Variants in PTGS2 observed in about 807,000 individuals in gnomAD.
The protein encoded by PTGS2 is prostaglandin-endoperoxide synthase 2, also known as prostaglandin G/H synthase 2.
In PTGS2, 14 loss-of-function variants were observed where a neutral mutation model predicts 63.8. The observed-to-expected ratio is 0.22, with a 90% confidence interval of 0.14 to 0.34. The LOEUF (loss-of-function observed/expected upper bound fraction) is 0.34. PTGS2 is among the 10% of genes least tolerant of loss of function. The pLI is 1.00. For synonymous variants in PTGS2, 271 were observed against 259.5 expected, an observed-to-expected ratio of 1.04 and a Z score of -0.43; for missense variants, 533 against 738.5, an observed-to-expected ratio of 0.72 and a Z score of 3.23.
intron 9 of PTGS2, 77 bp downstream of exon 9, chr1:186,675,172 A>G: frequency 6.4e-7 from 1 of 1,571,438 alleles, no homozygotes; most frequent in Non-Finnish European, 8.7e-7. Flanking sequence ...GGGCGGCTCC[A>G]TCTCGAAAAG....
chr1:186,676,795 C>T (rs2066826), intron 6 of PTGS2, 38 bp downstream of exon 6: 218,190 of 1,599,858 alleles, frequency 0.14, 17,101 homozygotes, highest in African/African-American at 0.33. Flanking sequence ...TGGGTATAAG[C>T]GGTAATAACT....
chr1:186,675,451 G>A (rs1468718684), intron 8 of PTGS2, 55 bp from the exon 9 acceptor site: 1 of 1,582,920 alleles, frequency 6.3e-7, no homozygotes, highest in Non-Finnish European at 8.6e-7. Flanking sequence ...TTTACTGTTT[G>A]TATTCAGCTT....
In PTGS2 at chr1:186,674,485, A is replaced by G. The variant is rs936653300; in HGVS notation, c.1683T>C (p.Cys561=). 1 of 1,614,216 alleles carries G rather than the reference A, an allele frequency of 6.2e-7. No homozygotes were observed. The highest frequency in any genetic ancestry group is 1.1e-5 in the South Asian group (1 of 91,086). The change falls in exon 10 of 10, where the codon TGT becomes TGC. Residue 561 remains cysteine, a synonymous_variant. Transcript: ENST00000367468. ...QSLICNNVKG[C]PFTSFSVPDP... ...CTGGAACACTGAATGAAGTAAAGGGACAGCCCTTCACGTTATTGCAGATGA... is the reference window on the plus strand; with the variant it reads ...CTGGAACACTGAATGAAGTAAAGGGGCAGCCCTTCACGTTATTGCAGATGA...
At position 186,672,454 on chromosome 1, in the gene PTGS2, G is replaced by T. The variant is rs1665705018; in HGVS notation, c.*1899C>A. ...CAAATCTTAATACAATCATTTCTTT[G>T]GATTGTTTACATAATATTCAGAGAG... On this transcript the variant is annotated 3_prime_UTR_variant, in exon 10 of 10. Coordinates refer to ENST00000367468, the MANE Select transcript of PTGS2 (RefSeq NM_000963.4). 6.6e-6 allele frequency: 1 copy of T among 152,080 alleles called. No homozygotes were observed. The highest frequency in any genetic ancestry group is 1.5e-5 in the Non-Finnish European group (1 of 67,900). The allele number at this position is 152,080 out of a possible 1,614,324, so 9.4% of individuals were successfully genotyped here. A position where few individuals can be genotyped will look rare whatever the true frequency, so the allele number is the denominator to read the frequency against.
rs200911813 is a variant in PTGS2 at position 186,678,307 on chromosome 1, G to A, written c.411C>T (p.Ala137=). ...AFSNLSYYTR[A]LPPVPDDCPT... Reference sequence around the variant, plus strand: ...GGCAATCATCAGGCACAGGAGGAAGGGCTCTAGTATAATAGGAGAGGTTAG... The same window carrying A: ...GGCAATCATCAGGCACAGGAGGAAGAGCTCTAGTATAATAGGAGAGGTTAG... The change falls in exon 4 of 10, where the codon GCC becomes GCT. Residue 137 remains alanine, a synonymous_variant. Transcript: ENST00000367468. The A allele has an allele frequency of 1.2e-6, 2 of 1,612,896 alleles. No individual in the cohort carries two copies. Among genetic ancestry groups the A allele is most frequent in the South Asian group, 1.1e-5 (1 of 90,894 alleles).
chr1:186,679,638 G>A (rs1665841608), intron 1 of PTGS2, among the ~76,000 whole-genome samples, 200 bp from the exon 2 acceptor site: 1 of 152,156 alleles, frequency 6.6e-6, no homozygotes, highest in Admixed American at 6.5e-5. Context: ...AAGGATAACA[G>A]CATATTCAAC....
rs202020013 is a variant in PTGS2 at position 186,675,369 on chromosome 1, C to T, written c.1285G>A (p.Ala429Thr). 4 of 1,612,306 alleles carry T rather than the reference C, an allele frequency of 2.5e-6. No individual in the cohort carries two copies. The highest frequency in any genetic ancestry group is 2.5e-6 in the Non-Finnish European group (3 of 1,179,688). The change falls in exon 9 of 10, where the codon GCA becomes ACA. Residue 429 changes from alanine to threonine, a missense_variant. Around this residue, in one of 5 missense-constraint regions of PTGS2, gnomAD observed 219 missense variants for 267.4 expected, o/e 0.82. Coordinates refer to ENST00000367468, the MANE Select transcript of PTGS2 (RefSeq NM_000963.4). ...RVAGGRNVPP[A>T]VQKVSQASID... ...GAAGCCTGTGATACTTTCTGTACTG[C>T]GGGTGGAACATTCCTACCACCAGCA...
Position 186,676,642 on chromosome 1 carries a change from G to A in PTGS2, c.795C>T (p.Val265=), listed in dbSNP as rs113771132. The part of the protein sequence containing the change: ...TQAEMIYPPQ[V]PEHLRFAVGQ... ...CCACAGCAAACCGTAGATGCTCAGG[G>A]ACTTGAGGAGGGTAGATCATCTCTG... The change falls in exon 7 of 10, where the codon GTC becomes GTT. Residue 265 remains valine, a synonymous_variant. Coordinates refer to ENST00000367468, the MANE Select transcript of PTGS2 (RefSeq NM_000963.4). The A allele has an allele frequency of 3.1e-6, 5 of 1,613,960 alleles. No individual in the cohort carries two copies. The African/African-American group carries it at 6.7e-5, about 22-fold the overall frequency.
At chr1:186,675,045 C>T (rs1665755973) in intron 9 of PTGS2, among the ~76,000 whole-genome samples, 1 of 152,120 alleles carries the variant, frequency 6.6e-6, no homozygotes, top group Non-Finnish European at 1.5e-5. Flanking sequence ...ATGCGTGCGA[C>T]GTGAGCCTGT....
At chr1:186,680,179 C>A (rs1472417671) in intron 1 of PTGS2, 60 bp downstream of exon 1, 37 of 1,549,364 alleles carry the variant, frequency 2.4e-5, no homozygotes, top group Non-Finnish European at 2.3e-5. Flanking sequence ...GAGGTCAGAG[C>A]GGAAACTCTG....
chr1:186,677,013 T>C, intron 5 of PTGS2, 97 bp from the exon 6 acceptor site: 1 of 905,232 alleles, frequency 1.1e-6, no homozygotes, highest in Admixed American at 2.5e-5. Context: ...TTTGATCATT[T>C]AGCTTTCTTT....
chr1:186,678,490 T>C, intron 3 of PTGS2, 86 bp from the exon 4 acceptor site: 1 of 1,298,854 alleles, frequency 7.7e-7, no homozygotes, highest in African/African-American at 1.5e-5. Context: ...ATGTGGAAAG[T>C]GGCACCTGAG....
chr1:186,674,293 T>A lies in PTGS2; in HGVS notation c.*60A>T. On this transcript the variant is annotated 3_prime_UTR_variant, in exon 10 of 10. Coordinates refer to ENST00000367468, the MANE Select transcript of PTGS2 (RefSeq NM_000963.4). Reference sequence around the variant, plus strand: ...CATAAGGAGTTTAATATAAATATTATTAAATAATTAAATTAATAGACATGG... The same window carrying A: ...CATAAGGAGTTTAATATAAATATTAATAAATAATTAAATTAATAGACATGG... 9.4e-7 allele frequency: 1 copy of A among 1,059,202 alleles called. No individual in the cohort carries two copies. The highest frequency in any genetic ancestry group is 3.2e-5 in the East Asian group (1 of 31,212). The allele number at this position is 1,059,202 out of a possible 1,614,324, so 65.6% of individuals were successfully genotyped here.
At chr1:186,680,199 G>T (rs1359241538) in intron 1 of PTGS2, 40 bp downstream of exon 1, 1 of 1,549,802 alleles carries the variant, frequency 6.5e-7, no homozygotes, top group East Asian at 2.4e-5. Context: ...GCCCGGGTGC[G>T]TGGAACCGGA....
chr1:186,678,283 G>A lies in PTGS2; in HGVS notation c.435C>T (p.Cys145=), dbSNP rs1408804676. The change falls in exon 4 of 10, where the codon TGC becomes TGT. Residue 145 remains cysteine, a synonymous_variant. Transcript: ENST00000367468. ...TRALPPVPDD[C]PTPLGVKGKK... ...CACCTTTGACACCCAAGGGAGTCGG[G>A]CAATCATCAGGCACAGGAGGAAGGG... is the stretch of plus-strand genomic sequence containing the variant. 1.2e-5 allele frequency: 20 copies of A among 1,610,462 alleles called. No individual in the cohort carries two copies. Among genetic ancestry groups the A allele is most frequent in the Non-Finnish European group, 1.6e-5 (19 of 1,178,184 alleles).
rs1319343878 is a variant in PTGS2 at position 186,680,398 on chromosome 1, C to T, written c.-108G>A. 2 of 744,196 alleles carry T rather than the reference C, an allele frequency of 2.7e-6. No homozygotes were observed. The highest frequency in any genetic ancestry group is 4.2e-6 in the Non-Finnish European group (2 of 470,958). 46.1% of individuals were successfully genotyped at this position (744,196 alleles called of 1,614,324 possible). ...GAGGAGTTCCTGGACGTGCTCCTGA[C>T]GCTCACTGCAAGTCGTATGACAATT... On this transcript the variant is annotated 5_prime_UTR_variant, in exon 1 of 10. Transcript: ENST00000367468.
In PTGS2 at chr1:186,674,211, A is replaced by G. The variant is rs1417769951; in HGVS notation, c.*142T>C. 1.9e-5 allele frequency: 9 copies of G among 470,190 alleles called. No homozygotes were observed. Among genetic ancestry groups the G allele is most frequent in the Non-Finnish European group, 2.9e-5 (9 of 305,634 alleles). 29.1% of individuals were successfully genotyped at this position (470,190 alleles called of 1,614,324 possible). The stretch of plus-strand genomic sequence containing the variant: ...TAGTGACATAAAAGTCTTCACAAGT[A>G]TGACTCCTTTCTCCGCAACAGGAGT... On this transcript the variant is annotated 3_prime_UTR_variant, in exon 10 of 10. Coordinates refer to ENST00000367468, the MANE Select transcript of PTGS2 (RefSeq NM_000963.4).
Position 186,676,439 on chromosome 1 carries a change from GT to G in PTGS2, c.970+27del, listed in dbSNP as rs749401196. The G allele has an allele frequency of 5.0e-6, 8 of 1,608,036 alleles. No homozygotes were observed. In the African/African-American group the frequency reaches 1.1e-4, roughly 21 times the overall value. On this transcript the variant is annotated intron_variant, in intron 7 of 9. Coordinates refer to ENST00000367468, the MANE Select transcript of PTGS2 (RefSeq NM_000963.4). ...ACACTAATTTTCCCTGGGGAAGAGG[GT>G]TTTATATAAATCATTTTCTTGTTTA... is the stretch of plus-strand genomic sequence containing the variant.
At chr1:186,678,908 T>A in intron 3 of PTGS2, 150 bp downstream of exon 3, 1 of 892,624 alleles carries the variant, frequency 1.1e-6, no homozygotes, top group African/African-American at 1.7e-5. Context: ...TGTCAATATT[T>A]TTGGCGATTA....
Sources: gnomAD v4.1 joint callset for allele counts (sites outside exome capture counted in the v4.1 genomes callset) on GRCh38, gnomAD v4.1.1 for gene constraint, gnomAD v4.1.1 regional missense constraint, MANE v1.5 for transcripts, NCBI Gene and HGNC (gene_info 2026-07-23, HGNC 2026-07-21) for gene names.